Variants in NBEA observed in about 807,000 individuals in gnomAD.
NBEA encodes neurobeachin, also known as lysosomal-trafficking regulator 2.
A neutral mutation model predicts 343.4 loss-of-function variants in NBEA; 44 were observed. The observed-to-expected ratio is 0.13, with a 90% CI of 0.10 to 0.16. NBEA has a LOEUF of 0.16. Ranked by LOEUF, NBEA falls within the 10% of genes least tolerant of loss-of-function variation. NBEA has a pLI of 1.00. For missense variants in NBEA, 2,555 were observed against 3,631.3 expected (o/e 0.70, Z 7.62); for synonymous variants, 1,175 against 1,238.7 (o/e 0.95, Z 1.08).
chr13:35,038,102 CT>C (rs899686356), intron 1 of NBEA, among the ~76,000 whole-genome samples: 1 of 152,152 alleles, frequency 6.6e-6, no homozygotes, highest in Non-Finnish European at 1.5e-5. Context: ...CACTTTTCCC[CT>C]TTTCCCCTTT....
At chr13:35,546,808 C>T (rs2079083283) in intron 41 of NBEA, among the ~76,000 whole-genome samples, 1 of 152,078 alleles carries the variant, frequency 6.6e-6, no homozygotes, top group Non-Finnish European at 1.5e-5. Flanking sequence ...CCACCTCAAC[C>T]TCCCAAAGTG....
At chr13:35,362,212 G>T (rs1378260811) in intron 38 of NBEA, among the ~76,000 whole-genome samples, 2 of 151,826 alleles carry the variant, frequency 1.3e-5, no homozygotes, top group African/African-American at 2.4e-5. Flanking sequence ...ATAAGTTACA[G>T]CTCAGATTAT....
At chr13:35,266,880 A>G (rs1053477087) in intron 34 of NBEA, among the ~76,000 whole-genome samples, 1 of 151,954 alleles carries the variant, frequency 6.6e-6, no homozygotes, top group South Asian at 2.1e-4. Context: ...CAACTCCCCA[A>G]AACTTAACTA....
chr13:35,134,580 A>G (rs1381701804), intron 17 of NBEA, among the ~76,000 whole-genome samples: 1 of 152,004 alleles, frequency 6.6e-6, no homozygotes, highest in Non-Finnish European at 1.5e-5. Flanking sequence ...ATTATCTAAA[A>G]TTTTCTGTAC....
intron 44 of NBEA, among the ~76,000 whole-genome samples, chr13:35,562,388 A>G (rs2079897650): frequency 6.6e-6 from 1 of 152,122 alleles, no homozygotes; most frequent in Admixed American, 6.5e-5. Context: ...TATGCAAAAG[A>G]TATTAAAGCC....
intron 1 of NBEA, among the ~76,000 whole-genome samples, chr13:35,003,904 G>T (rs112384583): frequency 1.3e-5 from 2 of 152,084 alleles, no homozygotes; most frequent in South Asian, 4.1e-4. Flanking sequence ...AGCCCTGCAC[G>T]CATTAGCCAT....
chr13:35,007,659 A>AT lies in NBEA; in HGVS notation c.295-33266dup, dbSNP rs1016675580. On this transcript the variant is annotated intron_variant, in intron 1 of 58. Transcript: ENST00000379939. ...GGTGCATGCTACTGTGCCACAGCTA[A>AT]TTTTTTTTGTATTGGTGGAGATGGG... Among the ~76,000 whole-genome samples the AT allele has an allele frequency of 1.5e-4, 23 of 151,730 alleles. No homozygotes were observed. In the South Asian group the frequency reaches 2.5e-3, roughly 16 times the overall value.
At chr13:35,286,888 T>G (rs1178345183) in intron 34 of NBEA, among the ~76,000 whole-genome samples, 2 of 152,046 alleles carry the variant, frequency 1.3e-5, no homozygotes, top group South Asian at 2.1e-4. Flanking sequence ...AACTGCCAGT[T>G]TTTTTGGATA....
chr13:35,425,544 G>C (rs1362749700), intron 38 of NBEA, among the ~76,000 whole-genome samples: 1 of 152,198 alleles, frequency 6.6e-6, no homozygotes, highest in East Asian at 1.9e-4. Context: ...TTTTACATTT[G>C]CTGAGGAGTG....
At chr13:35,254,255 C>G (rs2032319431) in intron 34 of NBEA, among the ~76,000 whole-genome samples, 1 of 151,064 alleles carries the variant, frequency 6.6e-6, no homozygotes. Context: ...CTATAAAATG[C>G]TTAAAAAATT....
chr13:35,396,016 G>A (rs2152903178), intron 38 of NBEA, among the ~76,000 whole-genome samples: 1 of 152,140 alleles, frequency 6.6e-6, no homozygotes, highest in Non-Finnish European at 1.5e-5. Context: ...ACTCATCTGT[G>A]TCTATGTTTT....
chr13:35,227,140 AT>A lies in NBEA; in HGVS notation c.5649-5342del, dbSNP rs34197341. ...TCACAGGGAAGTAAAATAAGTAAGC[AT>A]TTTTTTTTTCAATATCATGTTTTCC... is the stretch of plus-strand genomic sequence containing the variant. On this transcript the variant is annotated intron_variant, in intron 33 of 58. Coordinates refer to ENST00000379939, the MANE Select transcript of NBEA (RefSeq NM_001385012.1). Among the ~76,000 whole-genome samples the A allele has an allele frequency of 5.4e-5, 8 of 149,430 alleles. 1 individual carries two copies. The South Asian group carries it at 6.4e-4, about 12-fold the overall frequency.
At chr13:35,573,926 T>A (rs1012357850) in intron 45 of NBEA, among the ~76,000 whole-genome samples, 1 of 152,180 alleles carries the variant, frequency 6.6e-6, no homozygotes, top group African/African-American at 2.4e-5. Context: ...AACAAAATAT[T>A]AAGCAGTTAG....
chr13:35,164,521 G>A lies in NBEA; in HGVS notation c.4233+12G>A. The A allele has an allele frequency of 6.2e-7, 1 of 1,606,068 alleles. No individual in the cohort carries two copies. On this transcript the variant is annotated intron_variant, in intron 24 of 58. Transcript: ENST00000379939. ...CTACATCACCAACTGTAAGTACTTTGCCTCCATCTAGTGGTTATATTTTAT... is the reference window on the plus strand; with the variant it reads ...CTACATCACCAACTGTAAGTACTTTACCTCCATCTAGTGGTTATATTTTAT...
At chr13:35,655,063 C>CATATT in intron 54 of NBEA, 53 bp downstream of exon 54, 1 of 1,331,374 alleles carries the variant, frequency 7.5e-7, no homozygotes. Context: ...ATTGTTAAAA[C>CATATT]CAAAGCTGAA....
chr13:35,371,966 C>T (rs560643132), intron 38 of NBEA, among the ~76,000 whole-genome samples: 22 of 152,246 alleles, frequency 1.4e-4, no homozygotes, highest in African/African-American at 5.3e-4. Context: ...ATAGAGATGC[C>T]AGGTGGGCCA....
rs759759717 is a variant in NBEA at position 35,606,549 on chromosome 13, C to A, written c.7420C>A (p.Pro2474Thr). The change falls in exon 48 of 59, where the codon CCT becomes ACT. Residue 2474 changes from proline to threonine, a missense_variant. Transcript: ENST00000379939. The stretch of plus-strand genomic sequence containing the variant: ...TGATCTTCCCCCTTGGGCAAAAAAA[C>A]CTGAAGACTTTGTGCGGATCAACAG... ...DVDLPPWAKK[P>T]EDFVRINRMA... 6.2e-7 allele frequency: 1 copy of A among 1,605,498 alleles called. No individual in the cohort carries two copies. The highest frequency in any genetic ancestry group is 1.1e-5 in the South Asian group (1 of 89,908).
intron 35 of NBEA, among the ~76,000 whole-genome samples, chr13:35,298,235 A>C: frequency 7.1e-6 from 1 of 140,744 alleles, no homozygotes; most frequent in African/African-American, 2.7e-5. Flanking sequence ...ATATATATAT[A>C]TATATATATA....
intron 41 of NBEA, among the ~76,000 whole-genome samples, chr13:35,526,483 T>C (rs1409834106): frequency 1.3e-5 from 2 of 152,158 alleles, no homozygotes; most frequent in African/African-American, 4.8e-5. Flanking sequence ...CCGTCTCTAC[T>C]AAAAATATAA....
Sources: gnomAD v4.1 joint callset for allele counts (sites outside exome capture counted in the v4.1 genomes callset) on GRCh38, gnomAD v4.1.1 for gene constraint, MANE v1.5 for transcripts, NCBI Gene and HGNC (gene_info 2026-07-23, HGNC 2026-07-21) for gene names.